The following VAC14 variants were observed in gnomAD, a reference collection of about 807,000 sequenced individuals.
The protein encoded by VAC14 is protein VAC14 homolog.
VAC14 carries 47 observed loss-of-function variants against 85.3 expected under a neutral mutation model. The observed-to-expected ratio is 0.55, with a 90% confidence interval of 0.44 to 0.70. The LOEUF is 0.70. VAC14 is among the 30% of genes least tolerant of loss of function. VAC14 has a pLI of 0.00. For missense variants in VAC14, 861 were observed against 1,004.3 expected (o/e 0.86, Z 1.93); for synonymous variants, 447 against 430.5 (o/e 1.04, Z -0.47).
intron 1 of VAC14, among the ~76,000 whole-genome samples, chr16:70,798,822 T>C (rs1051589629): frequency 1.3e-5 from 2 of 152,158 alleles, no homozygotes; most frequent in Non-Finnish European, 2.9e-5. Context: ...TGCAATGTTA[T>C]TTCCCCACCG....
intron 13 of VAC14, among the ~76,000 whole-genome samples, chr16:70,741,367 G>A (rs1163960525): frequency 6.6e-6 from 1 of 152,266 alleles, no homozygotes; most frequent in African/African-American, 2.4e-5. Flanking sequence ...TGCCTGGCAC[G>A]TGCCCTCCCG....
intron 14 of VAC14, among the ~76,000 whole-genome samples, chr16:70,711,378 C>T (rs1435961853): frequency 6.6e-6 from 1 of 152,192 alleles, no homozygotes; most frequent in Non-Finnish European, 1.5e-5. Context: ...CCTTGGAGCT[C>T]TAGGCGGAAG....
intron 12 of VAC14, among the ~76,000 whole-genome samples, chr16:70,753,597 G>A (rs983057942): frequency 7.0e-6 from 1 of 143,776 alleles, no homozygotes; most frequent in African/African-American, 2.9e-5. Flanking sequence ...AAGATCTCAC[G>A]CTGGTCTGTA....
chr16:70,757,129 C>T lies in VAC14; in HGVS notation c.1371+5411G>A, dbSNP rs77990011. Reference sequence around the variant, plus strand: ...AGACTCTTCTCCAAAGTGTTAAGGACGCCCCGGCTCTGAGATGCTGGGAAG... The same window carrying T: ...AGACTCTTCTCCAAAGTGTTAAGGATGCCCCGGCTCTGAGATGCTGGGAAG... On this transcript the variant is annotated intron_variant, in intron 12 of 18. Transcript: ENST00000261776. 5.9e-5 allele frequency among the ~76,000 whole-genome samples: 9 copies of T among 152,238 alleles called. No individual in the cohort carries two copies. The East Asian group carries it at 1.2e-3, about 20-fold the overall frequency.
chr16:70,741,808 T>C (rs978101774), intron 13 of VAC14, among the ~76,000 whole-genome samples: 2 of 152,244 alleles, frequency 1.3e-5, no homozygotes, highest in Non-Finnish European at 2.9e-5. Context: ...TCTACTGCCA[T>C]AGCCTCGTTC....
chr16:70,726,293 G>T (rs905568286), intron 14 of VAC14, among the ~76,000 whole-genome samples: 1 of 152,228 alleles, frequency 6.6e-6, no homozygotes, highest in Admixed American at 6.5e-5. Flanking sequence ...TTTTAGCGGA[G>T]CCGGGCCGGG....
intron 12 of VAC14, among the ~76,000 whole-genome samples, chr16:70,748,675 G>A (rs974052820): frequency 6.6e-6 from 1 of 152,096 alleles, no homozygotes; most frequent in East Asian, 1.9e-4. Context: ...GGCCAGGTGC[G>A]GTGGCTCACG....
intron 1 of VAC14, among the ~76,000 whole-genome samples, chr16:70,794,154 T>C (rs1219876894): frequency 6.6e-6 from 1 of 152,156 alleles, no homozygotes. Flanking sequence ...TCACATACCA[T>C]AAATTCACTC....
chr16:70,698,211 G>A (rs1455478872), intron 15 of VAC14, among the ~76,000 whole-genome samples: 4 of 152,208 alleles, frequency 2.6e-5, no homozygotes, highest in Non-Finnish European at 4.4e-5. Context: ...CAAGGAGGGC[G>A]AGAAGAGCTG....
chr16:70,798,175 TCC>T (rs2034626150), intron 1 of VAC14, among the ~76,000 whole-genome samples: 1 of 152,116 alleles, frequency 6.6e-6, no homozygotes, highest in African/African-American at 2.4e-5. Context: ...GAACCCCAGT[TCC>T]AGAGCCTGCT....
intron 14 of VAC14, chr16:70,714,597 G>C (rs1285988180): frequency 4.6e-5 from 7 of 152,258 alleles, no homozygotes; most frequent in African/African-American, 1.7e-4. Flanking sequence ...AGTGGACAAG[G>C]AAAGCTGGCC....
rs1016100167 is a variant in VAC14 at position 70,688,677 on chromosome 16, T to C, written c.2187-587A>G. ...GACATGCCTACAGCTCCTACATTCCTGTTGCTGCCACCCTCTCCAGTTGCT... is the reference window on the plus strand; with the variant it reads ...GACATGCCTACAGCTCCTACATTCCCGTTGCTGCCACCCTCTCCAGTTGCT... On this transcript the variant is annotated intron_variant, in intron 18 of 18. Transcript: ENST00000261776. 74 of 985,612 alleles carry C rather than the reference T, an allele frequency of 7.5e-5. No individual in the cohort carries two copies. In the African/African-American group the frequency reaches 1.2e-3, roughly 16 times the overall value. The allele number at this position is 985,612 out of a possible 1,614,324, so 61.1% of individuals were successfully genotyped here. A position where few individuals can be genotyped will look rare whatever the true frequency, so the allele number is the denominator to read the frequency against.
chr16:70,688,032 C>T lies in VAC14; in HGVS notation c.2245G>A (p.Ala749Thr), dbSNP rs1423540351. Reference sequence around the variant, plus strand: ...TTCTCAAAGTGCTGCAGCAGCTCTGCGTAGTCGATGCTAGGGGAGTCAGCT... The same window carrying T: ...TTCTCAAAGTGCTGCAGCAGCTCTGTGTAGTCGATGCTAGGGGAGTCAGCT... ...QKADSPSIDY[A>T]ELLQHFEKVQ... is the part of the protein sequence containing the mutation. Residue 749 changes from alanine to threonine, a missense_variant, in exon 19 of 19, where the codon GCA (alanine) becomes ACA (threonine). Ala to Thr is a moderately conservative substitution (Grantham distance 58). Transcript: ENST00000261776. The T allele has an allele frequency of 1.2e-5, 20 of 1,604,976 alleles. No homozygotes were observed. Among genetic ancestry groups the T allele is most frequent in the African/African-American group, 2.7e-5 (2 of 74,518 alleles).
At chr16:70,732,655 T>G (rs2054625338) in intron 13 of VAC14, among the ~76,000 whole-genome samples, 1 of 152,088 alleles carries the variant, frequency 6.6e-6, no homozygotes, top group Admixed American at 6.5e-5. Flanking sequence ...TTTTTTTTTT[T>G]TTTTAAAGAC....
intron 14 of VAC14, among the ~76,000 whole-genome samples, chr16:70,730,379 C>A (rs2054554430): frequency 6.6e-6 from 1 of 152,052 alleles, no homozygotes; most frequent in Admixed American, 6.6e-5. Flanking sequence ...GGCCCACAGG[C>A]TGAAGCTGCT....
At chr16:70,758,601 G>A (rs368584995) in intron 12 of VAC14, among the ~76,000 whole-genome samples, 4 of 152,320 alleles carry the variant, frequency 2.6e-5, no homozygotes, top group African/African-American at 7.2e-5. Flanking sequence ...ACTCACAGGT[G>A]GGGGTATGGC....
chr16:70,736,153 T>G (rs1458079443), intron 13 of VAC14, among the ~76,000 whole-genome samples: 1 of 152,188 alleles, frequency 6.6e-6, no homozygotes, highest in Non-Finnish European at 1.5e-5. Flanking sequence ...ACAGGGGCAG[T>G]AGGAAGCACT....
intron 12 of VAC14, among the ~76,000 whole-genome samples, chr16:70,759,328 T>G (rs1219739773): frequency 6.6e-6 from 1 of 152,166 alleles, no homozygotes; most frequent in African/African-American, 2.4e-5. Context: ...GGGGAGCTTT[T>G]TCAAAGTACA....
chr16:70,704,827 G>A lies in VAC14; in HGVS notation c.1662-6016C>T, dbSNP rs932034920. Among the ~76,000 whole-genome samples the A allele has an allele frequency of 3.3e-5, 5 of 152,220 alleles. No homozygotes were observed. In the South Asian group the frequency reaches 6.2e-4, roughly 19 times the overall value. ...GGTGAGGCCCAGGAGGGCAAAGGAC[G>A]GAGCTTGGGTCTCCTTGTGGGGAGC... On this transcript the variant is annotated intron_variant, in intron 14 of 18. Transcript: ENST00000261776.
Sources: allele counts gnomAD v4.1 joint callset (sites outside exome capture counted in the v4.1 genomes callset), GRCh38; gene constraint gnomAD v4.1.1; transcripts MANE v1.5; gene names NCBI Gene and HGNC (gene_info 2026-07-23, HGNC 2026-07-21).